The following ANO3 variants were observed in gnomAD, a reference collection of about 807,000 sequenced individuals.
ANO3 encodes anoctamin-3.
Under a neutral mutation model 144.8 loss-of-function variants are expected in ANO3, and 99 were observed. The observed-to-expected ratio is 0.68, with a 90% confidence interval of 0.58 to 0.81. ANO3 has a LOEUF of 0.81. Ranked by LOEUF, ANO3 falls within the 30% of genes least tolerant of loss-of-function variation. ANO3 has a pLI of 0.00. For synonymous variants in ANO3, 414 were observed against 392.6 expected (o/e 1.05, Z -0.64); for missense variants, 905 against 1,202.2 (o/e 0.75, Z 3.66).
intron 24 of ANO3, 58 bp downstream of exon 24, chr11:26,647,914 A>G: frequency 6.6e-7 from 1 of 1,513,674 alleles, no homozygotes; most frequent in African/African-American, 1.4e-5. Flanking sequence ...TTAAAATAGG[A>G]TCTTACTGGG....
chr11:26,447,928 A>G lies in ANO3; in HGVS notation c.313+4092A>G, dbSNP rs866278119. Among the ~76,000 whole-genome samples, 166 of 152,338 alleles carry G rather than the reference A, an allele frequency of 1.1e-3. 1 individual carries two copies. The highest frequency in any genetic ancestry group is 3.7e-3 in the African/African-American group (152 of 41,582). On this transcript the variant is annotated intron_variant, in intron 3 of 26. Coordinates refer to ENST00000256737, the MANE Select transcript of ANO3 (RefSeq NM_031418.4). ...GTATGCTGGAAAATGACAAGGACACAGTAATCCACGTTAACAAGTGCCTGA... is the reference window on the plus strand; with the variant it reads ...GTATGCTGGAAAATGACAAGGACACGGTAATCCACGTTAACAAGTGCCTGA...
intron 17 of ANO3, among the ~76,000 whole-genome samples, chr11:26,622,666 G>A (rs1011876391): frequency 6.6e-6 from 1 of 152,122 alleles, no homozygotes; most frequent in Non-Finnish European, 1.5e-5. Flanking sequence ...TGTATGTGGT[G>A]CTAGACAGCC....
intron 1 of ANO3, among the ~76,000 whole-genome samples, chr11:26,343,041 A>G (rs1465639068): frequency 2.0e-5 from 3 of 152,190 alleles, no homozygotes; most frequent in Non-Finnish European, 4.4e-5. Context: ...GTACAGTAAT[A>G]TTAACTACAG....
At chr11:26,255,445 A>G (rs778763873) in intron 1 of ANO3, among the ~76,000 whole-genome samples, 4 of 152,148 alleles carry the variant, frequency 2.6e-5, no homozygotes, top group Admixed American at 6.6e-5. Context: ...TTGATGGCAG[A>G]TAGTAATCAT....
At chr11:26,487,886 G>A (rs553204520) in intron 4 of ANO3, among the ~76,000 whole-genome samples, 1 of 152,268 alleles carries the variant, frequency 6.6e-6, no homozygotes, top group African/African-American at 2.4e-5. Flanking sequence ...TCACATTTTA[G>A]GCCAAGTGCA....
intron 13 of ANO3, among the ~76,000 whole-genome samples, chr11:26,557,815 A>G (rs949014044): frequency 2.0e-4 from 31 of 152,286 alleles, no homozygotes; most frequent in African/African-American, 7.2e-4. Context: ...TCAGCACCCT[A>G]AATAAAGCCC....
At chr11:26,634,142 T>C (rs1852875154) in intron 18 of ANO3, 62 bp from the exon 19 acceptor site, 4 of 920,462 alleles carry the variant, frequency 4.3e-6, no homozygotes, top group Non-Finnish European at 6.8e-6. Flanking sequence ...TCTGCCTCCA[T>C]GTCCAGAGTC....
intron 4 of ANO3, among the ~76,000 whole-genome samples, chr11:26,483,456 C>A (rs2134092284): frequency 6.6e-6 from 1 of 152,186 alleles, no homozygotes; most frequent in African/African-American, 2.4e-5. Context: ...ATAATGAGTT[C>A]TCATGAGATC....
chr11:26,564,761 A>AG (rs1850490690), intron 14 of ANO3, among the ~76,000 whole-genome samples: 1 of 94,728 alleles, frequency 1.1e-5, no homozygotes, highest in Non-Finnish European at 2.0e-5. Flanking sequence ...ATATATATAT[A>AG]TATATATATA....
chr11:26,607,130 T>C (rs1851959517), intron 17 of ANO3, among the ~76,000 whole-genome samples: 1 of 152,200 alleles, frequency 6.6e-6, no homozygotes, highest in African/African-American at 2.4e-5. Context: ...TTCTGGCTTG[T>C]AGGATTTCAG....
At chr11:26,496,190 T>C (rs1011004495) in intron 4 of ANO3, among the ~76,000 whole-genome samples, 2 of 152,214 alleles carry the variant, frequency 1.3e-5, no homozygotes, top group African/African-American at 4.8e-5. Context: ...TTGACCTCTC[T>C]GTGTTGAGCT....
intron 1 of ANO3, among the ~76,000 whole-genome samples, chr11:26,217,774 T>A (rs575446445): frequency 6.6e-6 from 1 of 152,084 alleles, no homozygotes; most frequent in East Asian, 1.9e-4. Flanking sequence ...TTAAACATTT[T>A]AAATTTAAAC....
At chr11:26,486,298 T>C (rs1590405793) in intron 4 of ANO3, among the ~76,000 whole-genome samples, 1 of 146,002 alleles carries the variant, frequency 6.8e-6, no homozygotes, top group Non-Finnish European at 1.5e-5. Context: ...GAGGCGGAGG[T>C]TGCAGTGAGC....
chr11:26,336,294 A>T (rs927032857), intron 1 of ANO3, among the ~76,000 whole-genome samples: 1 of 152,224 alleles, frequency 6.6e-6, no homozygotes, highest in Non-Finnish European at 1.5e-5. Context: ...TCATAGAACC[A>T]TAGATCAAAT....
chr11:26,598,387 GA>G lies in ANO3; in HGVS notation c.1474del (p.Arg492GlyfsTer6). The part of the protein sequence containing the change: ...IWATVFLEFW[K>X]RRRSILTYTW... ...TAGCCACAGTCTTCCTGGAGTTTTG[GA>G]AAAGGAGAAGGAGTATACTGACCTA... is the stretch of plus-strand genomic sequence containing the variant. On this transcript the variant is annotated frameshift_variant, in exon 15 of 27. Coordinates refer to ENST00000256737, the MANE Select transcript of ANO3 (RefSeq NM_031418.4). LOFTEE classifies it high-confidence loss of function. The G allele has an allele frequency of 1.3e-6, 2 of 1,549,970 alleles. No individual in the cohort carries two copies. Among genetic ancestry groups the G allele is most frequent in the Admixed American group, 1.9e-5 (1 of 52,730 alleles).
At chr11:26,594,180 C>A (rs1360650188) in intron 14 of ANO3, among the ~76,000 whole-genome samples, 1 of 152,134 alleles carries the variant, frequency 6.6e-6, no homozygotes, top group African/African-American at 2.4e-5. Context: ...TTCCTTAGTC[C>A]TTCTAGCATG....
At chr11:26,597,996 G>A (rs368119781) in intron 14 of ANO3, among the ~76,000 whole-genome samples, 2 of 152,196 alleles carry the variant, frequency 1.3e-5, no homozygotes, top group East Asian at 1.9e-4. Context: ...GTAGCATTTG[G>A]CCTTTATTGT....
At chr11:26,206,727 A>G (rs986194353) in intron 1 of ANO3, among the ~76,000 whole-genome samples, 5 of 152,228 alleles carry the variant, frequency 3.3e-5, no homozygotes, top group African/African-American at 1.2e-4. Context: ...AAGTTTTGGC[A>G]TGCAATAAGT....
chr11:26,444,065 AT>A (rs1353203239), intron 3 of ANO3, among the ~76,000 whole-genome samples: 2 of 152,150 alleles, frequency 1.3e-5, no homozygotes, highest in East Asian at 1.9e-4. Context: ...ACAAATAACA[AT>A]TTTTGCCATT....
Sources: allele counts gnomAD v4.1 joint callset (sites outside exome capture counted in the v4.1 genomes callset), GRCh38; gene constraint gnomAD v4.1.1; transcripts MANE v1.5; gene names NCBI Gene and HGNC (gene_info 2026-07-23, HGNC 2026-07-21).